CDH11: variants seen among roughly 807,000 people sequenced by gnomAD.
CDH11 encodes the protein cadherin-11.
In CDH11, 11 loss-of-function variants were observed where a neutral mutation model predicts 67.8. The ratio of observed to expected loss-of-function variants is 0.16; its 90% CI spans 0.10 to 0.27. The LOEUF (loss-of-function observed/expected upper bound fraction) is 0.27, where lower values mean the gene tolerates loss of function less well. Ranked by LOEUF, CDH11 falls within the 10% of genes least tolerant of loss-of-function variation. The pLI, the probability that CDH11 is intolerant of heterozygous loss-of-function variation, is 1.00. For synonymous variants in CDH11, 419 were observed against 400.0 expected (o/e 1.05, Z -0.57); for missense variants, 847 against 1,031.2 (o/e 0.82, Z 2.45).
intron 1 of CDH11, among the ~76,000 whole-genome samples, chr16:65,056,499 G>C (rs2074145995): frequency 6.6e-6 from 1 of 152,220 alleles, no homozygotes; most frequent in African/African-American, 2.4e-5. Flanking sequence ...ATGTTAGGAT[G>C]TCATGTAACT....
intron 4 of CDH11, among the ~76,000 whole-genome samples, chr16:64,996,964 C>T (rs951440471): frequency 6.6e-6 from 1 of 152,034 alleles, no homozygotes; most frequent in African/African-American, 2.4e-5. Flanking sequence ...ATACCACAAA[C>T]CTCAGTGTTA....
At chr16:64,984,097 T>C (rs1242128619) in intron 7 of CDH11, among the ~76,000 whole-genome samples, 1 of 152,164 alleles carries the variant, frequency 6.6e-6, no homozygotes, top group Non-Finnish European at 1.5e-5. Context: ...CTTTCCCAGT[T>C]TGGCGAGATT....
chr16:64,997,994 C>T (rs2142509186), intron 4 of CDH11, among the ~76,000 whole-genome samples: 1 of 152,258 alleles, frequency 6.6e-6, no homozygotes, highest in East Asian at 1.9e-4. Context: ...AGGCTATTGC[C>T]AGAAGGTGGC....
chr16:64,989,275 G>A (rs541963565), intron 6 of CDH11, among the ~76,000 whole-genome samples: 1 of 152,038 alleles, frequency 6.6e-6, no homozygotes, highest in Admixed American at 6.6e-5. Context: ...GTGTGGGCAT[G>A]AATCTGTTGT....
chr16:64,968,448 A>G (rs927180117), intron 11 of CDH11: 266 of 984,082 alleles, frequency 2.7e-4, no homozygotes, highest in Admixed American at 4.9e-4. Flanking sequence ...CTGGGCAGAC[A>G]TGCTCTTCAT....
At chr16:65,019,105 C>G (rs1042279258) in intron 2 of CDH11, among the ~76,000 whole-genome samples, 1 of 152,160 alleles carries the variant, frequency 6.6e-6, no homozygotes, top group Non-Finnish European at 1.5e-5. Context: ...GAAAGCCAAA[C>G]ACCATTTTAT....
chr16:64,975,067 C>T (rs1420584814), intron 8 of CDH11, among the ~76,000 whole-genome samples: 1 of 152,192 alleles, frequency 6.6e-6, no homozygotes, highest in Admixed American at 6.5e-5. Flanking sequence ...CCTTCTGCCT[C>T]AGGCTCCTGG....
chr16:65,026,074 A>G (rs1433338344), intron 2 of CDH11, among the ~76,000 whole-genome samples: 1 of 152,240 alleles, frequency 6.6e-6, no homozygotes, highest in African/African-American at 2.4e-5. Context: ...TCTTCTGGTC[A>G]GATGAGTCCC....
intron 11 of CDH11, among the ~76,000 whole-genome samples, chr16:64,952,488 G>A (rs1292168321): frequency 6.6e-6 from 1 of 152,122 alleles, no homozygotes; most frequent in African/African-American, 2.4e-5. Context: ...TGGCTTTTCT[G>A]TATTTCCCAA....
At chr16:64,990,307 A>G (rs1401156269) in intron 6 of CDH11, among the ~76,000 whole-genome samples, 1 of 152,174 alleles carries the variant, frequency 6.6e-6, no homozygotes, top group African/African-American at 2.4e-5. Flanking sequence ...AGGATGCTGA[A>G]CTTGTGCCCG....
At position 64,998,906 on chromosome 16, in the gene CDH11, G is replaced by C. The variant is rs1311294034; in HGVS notation, c.229-50C>G. 4 of 1,509,560 alleles carry C rather than the reference G, an allele frequency of 2.6e-6. No individual in the cohort carries two copies. The Admixed American group carries it at 6.9e-5, about 26-fold the overall frequency. The allele number at this position is 1,509,560 out of a possible 1,614,324, so 93.5% of individuals were successfully genotyped here. A position where few individuals can be genotyped will look rare whatever the true frequency, so the allele number is the denominator to read the frequency against. On this transcript the variant is annotated intron_variant, in intron 3 of 12. Transcript: ENST00000268603. ...TTTAATTCCATGAGGAAAGCAGTGGGGAAACTCACTTACAAGTGATTGCAA... is the reference window on the plus strand; with the variant it reads ...TTTAATTCCATGAGGAAAGCAGTGGCGAAACTCACTTACAAGTGATTGCAA...
At chr16:64,991,678 T>C in intron 6 of CDH11, 90 bp downstream of exon 6, 1 of 877,538 alleles carries the variant, frequency 1.1e-6, no homozygotes, top group Non-Finnish European at 1.7e-6. Flanking sequence ...ATTTTCTTTT[T>C]GATACCTCAG....
chr16:65,006,993 G>A (rs901032830), intron 2 of CDH11: 1 of 152,222 alleles, frequency 6.6e-6, no homozygotes, highest in African/African-American at 2.4e-5. Context: ...GGAACTCTAA[G>A]GGTACCCATG....
At chr16:64,981,907 C>T (rs1220136946) in intron 8 of CDH11, 141 bp downstream of exon 8, 1 of 716,800 alleles carries the variant, frequency 1.4e-6, no homozygotes, top group Non-Finnish European at 2.3e-6. Flanking sequence ...TCTTCTAAAT[C>T]TTAATCTTGT....
rs182551074 is a variant in CDH11 at position 65,034,947 on chromosome 16, C to G, written c.-173+18857G>C. Among the ~76,000 whole-genome samples the G allele has an allele frequency of 2.0e-3, 298 of 152,282 alleles. 1 individual carries two copies. Among genetic ancestry groups the G allele is most frequent in the African/African-American group, 6.9e-3 (285 of 41,566 alleles). ...CCCATCTCCTCATTTCCTCAAGTCC[C>G]CCTCGACCCTCGAGTTATCAAGAGG... On this transcript the variant is annotated intron_variant, in intron 2 of 12. Coordinates refer to ENST00000268603, the MANE Select transcript of CDH11 (RefSeq NM_001797.4).
At chr16:65,097,844 T>G (rs1335782099) in intron 1 of CDH11, among the ~76,000 whole-genome samples, 1 of 152,118 alleles carries the variant, frequency 6.6e-6, no homozygotes, top group African/African-American at 2.4e-5. Flanking sequence ...ATAAAAAATT[T>G]TTAAAAATAA....
chr16:64,974,073 G>C (rs2072091243), intron 8 of CDH11, among the ~76,000 whole-genome samples: 1 of 151,978 alleles, frequency 6.6e-6, no homozygotes, highest in African/African-American at 2.4e-5. Flanking sequence ...TAATATTATT[G>C]GGCTGTATTT....
intron 2 of CDH11, among the ~76,000 whole-genome samples, chr16:65,040,195 C>A (rs1345518819): frequency 1.3e-5 from 2 of 152,126 alleles, no homozygotes; most frequent in Non-Finnish European, 2.9e-5. Context: ...CCCAGCCATC[C>A]CATTACTGGG....
In CDH11 at chr16:64,947,043, C is replaced by T; in HGVS notation, c.*560G>A. ...TATTAGTTTAAGATGAAAGTAGAAG[C>T]AAAAAGATTTACAAGAATCAGCAGT... On this transcript the variant is annotated 3_prime_UTR_variant, in exon 13 of 13. Coordinates refer to ENST00000268603, the MANE Select transcript of CDH11 (RefSeq NM_001797.4). The T allele has an allele frequency of 9.7e-7, 1 of 1,030,938 alleles. No homozygotes were observed. The highest frequency in any genetic ancestry group is 1.2e-6 in the Non-Finnish European group (1 of 857,138). The allele number at this position is 1,030,938 out of a possible 1,614,324, so 63.9% of individuals were successfully genotyped here. A position where few individuals can be genotyped will look rare whatever the true frequency, so the allele number is the denominator to read the frequency against.
Sources: allele counts gnomAD v4.1 joint callset (sites outside exome capture counted in the v4.1 genomes callset), GRCh38; gene constraint gnomAD v4.1.1; transcripts MANE v1.5; gene names NCBI Gene and HGNC (gene_info 2026-07-23, HGNC 2026-07-21).